The following PPM1H variants were observed in gnomAD, a reference collection of about 807,000 sequenced individuals.
The protein encoded by PPM1H is protein phosphatase, Mg2+/Mn2+ dependent 1H.
Under a neutral mutation model 54.9 loss-of-function variants are expected in PPM1H, and 27 were observed. That is an observed-to-expected ratio of 0.49 (90% CI 0.36 to 0.68). The LOEUF is 0.68. Among genes scored for constraint, PPM1H ranks in the 30% least tolerant of loss-of-function variants. The pLI, the probability that PPM1H is intolerant of heterozygous loss-of-function variation, is 0.00. For synonymous variants in PPM1H, 305 were observed against 270.8 expected, an observed-to-expected ratio of 1.13 and a Z score of -1.24; for missense variants, 596 against 667.8, an observed-to-expected ratio of 0.89 and a Z score of 1.19.
chr12:62,920,090 CTG>C (rs1041750587), intron 1 of PPM1H, among the ~76,000 whole-genome samples: 2 of 152,192 alleles, frequency 1.3e-5, no homozygotes, highest in African/African-American at 4.8e-5. Flanking sequence ...GCATGGTCCT[CTG>C]TGGCATAGCC....
intron 8 of PPM1H, among the ~76,000 whole-genome samples, chr12:62,683,033 T>TTTTTTTTA (rs1491110813): frequency 3.0e-5 from 4 of 133,674 alleles, no homozygotes; most frequent in Non-Finnish European, 6.5e-5. Context: ...GAGTTTATTA[T>TTTTTTTTA]TTATTATTAT....
chr12:62,727,637 A>ATATTATTATTATTATTATTATTATTAT (rs146320023), intron 5 of PPM1H, among the ~76,000 whole-genome samples: 2 of 139,814 alleles, frequency 1.4e-5, no homozygotes, highest in Non-Finnish European at 3.1e-5. Context: ...TAAAATGCAA[A>ATATTATTATTATTATTATTATTATTAT]TATTATTATT....
chr12:62,717,105 C>T (rs889350809), intron 6 of PPM1H, among the ~76,000 whole-genome samples: 5 of 152,176 alleles, frequency 3.3e-5, no homozygotes, highest in African/African-American at 1.2e-4. Flanking sequence ...TCCCCAAATG[C>T]TGGGATTATA....
At chr12:62,705,660 T>G (rs1444352592) in intron 6 of PPM1H, among the ~76,000 whole-genome samples, 2 of 152,246 alleles carry the variant, frequency 1.3e-5, no homozygotes, top group African/African-American at 4.8e-5. Context: ...GCATTCACAC[T>G]TGGCCGTAAC....
chr12:62,734,101 A>C (rs1029867308), intron 5 of PPM1H, among the ~76,000 whole-genome samples: 17 of 151,644 alleles, frequency 1.1e-4, no homozygotes, highest in African/African-American at 4.1e-4. Flanking sequence ...AAGAGGCTCC[A>C]GGGAGCATCC....
Position 62,689,763 on chromosome 12 carries a change from T to G in PPM1H, c.1181A>C (p.Asp394Ala). Residue 394 changes from aspartate (D) to alanine (A), a missense_variant, in exon 8 of 10, where the codon GAC (aspartate) becomes GCC (alanine). By Grantham distance (126) the Asp-to-Ala change is moderately radical. Coordinates refer to ENST00000228705, the MANE Select transcript of PPM1H (RefSeq NM_020700.2). ...GGAGTCATGCACCTTCAGGTCATGG[T>G]CCCCAAGTCCCCTGGTCACTCCAAT... ...ATIGVTRGLG[D>A]HDLKVHDSNI... The G allele has an allele frequency of 6.2e-7, 1 of 1,613,722 alleles. No individual in the cohort carries two copies.
Position 62,689,700 on chromosome 12 carries a change from T to C in PPM1H, c.1244A>G (p.Glu415Gly), listed in dbSNP as rs542045521. Reference protein sequence around the residue: ...YIKPFLSSAPEVRIYDLSKYD... With the variant: ...YIKPFLSSAPGVRIYDLSKYD... The stretch of plus-strand genomic sequence containing the variant: ...ATAAACAAAAACCTCATGCGGTACC[T>C]CTGGAGCTGAAGACAGGAATGGTTT... Residue 415 changes from glutamate (E) to glycine (G), a missense_variant and splice_region_variant, in exon 8 of 10, where the codon GAG becomes GGG. Physicochemically the swap from Glu to Gly is moderately conservative, Grantham distance 98. Transcript: ENST00000228705. 4 of 1,611,640 alleles carry C rather than the reference T, an allele frequency of 2.5e-6. No homozygotes were observed. The highest frequency in any genetic ancestry group is 3.4e-6 in the Non-Finnish European group (4 of 1,178,316).
intron 9 of PPM1H, among the ~76,000 whole-genome samples, chr12:62,655,245 T>A (rs2075837684): frequency 6.6e-6 from 1 of 152,206 alleles, no homozygotes; most frequent in Admixed American, 6.5e-5. Flanking sequence ...CTAGCTACCA[T>A]ATTGGGCCAG....
At chr12:62,729,816 C>T (rs1592567113) in intron 5 of PPM1H, among the ~76,000 whole-genome samples, 1 of 152,302 alleles carries the variant, frequency 6.6e-6, no homozygotes, top group East Asian at 1.9e-4. Context: ...TTAATTCCAT[C>T]CTGTGATTAT....
chr12:62,693,153 G>C (rs1350792710), intron 7 of PPM1H, among the ~76,000 whole-genome samples: 5 of 152,196 alleles, frequency 3.3e-5, no homozygotes, highest in African/African-American at 1.2e-4. Flanking sequence ...GATTCAGAAG[G>C]TGTTTGTTCT....
intron 4 of PPM1H, among the ~76,000 whole-genome samples, chr12:62,787,210 CAGGGAAGGGGAA>C (rs2076677422): frequency 1.3e-5 from 2 of 151,846 alleles, no homozygotes; most frequent in African/African-American, 4.8e-5. Flanking sequence ...AAGCTGGAGA[CAGGGAAGGGGAA>C]AGGGAAGGGG....
At position 62,816,026 on chromosome 12, in the gene PPM1H, A is replaced by G. The variant is rs569502640; in HGVS notation, c.412-13866T>C. On this transcript the variant is annotated intron_variant, in intron 2 of 9. Coordinates refer to ENST00000228705, the MANE Select transcript of PPM1H (RefSeq NM_020700.2). ...AACTAACTCCCATATCAAAAGAGAA[A>G]TCATAATGGAAATGAGAAAATATTT... 5.5e-4 allele frequency among the ~76,000 whole-genome samples: 84 copies of G among 152,340 alleles called. 1 individual carries two copies. The highest frequency in any genetic ancestry group is 2.0e-3 in the African/African-American group (82 of 41,580).
chr12:62,917,240 G>A lies in PPM1H; in HGVS notation c.245+17252C>T, dbSNP rs137996370. ...CAGCTGCTTTCTGCGGCAATTTAAC[G>A]GCCAAAGTGGGAGAACATTAGCTCT... On this transcript the variant is annotated intron_variant, in intron 1 of 9. Transcript: ENST00000228705. 5.3e-3 allele frequency among the ~76,000 whole-genome samples: 812 copies of A among 152,304 alleles called. 2 individuals carry two copies. The highest frequency in any genetic ancestry group is 8.8e-3 in the Non-Finnish European group (600 of 68,032).
At chr12:62,747,420 G>A (rs1262477549) in intron 4 of PPM1H, among the ~76,000 whole-genome samples, 1 of 152,212 alleles carries the variant, frequency 6.6e-6, no homozygotes, top group Non-Finnish European at 1.5e-5. Context: ...ATAGGCGTGA[G>A]CCACTGTGCC....
At chr12:62,672,683 C>G (rs1374357087) in intron 8 of PPM1H, among the ~76,000 whole-genome samples, 1 of 152,200 alleles carries the variant, frequency 6.6e-6, no homozygotes, top group African/African-American at 2.4e-5. Context: ...GTACCCAGAA[C>G]AGAGCACTGT....
chr12:62,810,146 TG>T (rs1223748228), intron 2 of PPM1H, among the ~76,000 whole-genome samples: 2 of 152,164 alleles, frequency 1.3e-5, no homozygotes, highest in South Asian at 2.1e-4. Context: ...AAGGAGAGAA[TG>T]GTTTTTATTT....
intron 6 of PPM1H, among the ~76,000 whole-genome samples, chr12:62,711,362 T>C (rs1417877986): frequency 2.0e-5 from 3 of 152,182 alleles, no homozygotes; most frequent in Non-Finnish European, 4.4e-5. Flanking sequence ...TGATCTGTGG[T>C]GGGGATTGGC....
chr12:62,737,901 G>A (rs1156690900), intron 4 of PPM1H, among the ~76,000 whole-genome samples: 5 of 152,192 alleles, frequency 3.3e-5, no homozygotes, highest in Admixed American at 3.3e-4. Context: ...ATGGATGAAT[G>A]AATGAGTGAT....
chr12:62,847,526 G>A (rs1869020204), intron 1 of PPM1H, among the ~76,000 whole-genome samples: 1 of 152,126 alleles, frequency 6.6e-6, no homozygotes, highest in Non-Finnish European at 1.5e-5. Context: ...GACTTCAGGG[G>A]AGAAATTATA....
Sources: gnomAD v4.1 joint callset for allele counts (sites outside exome capture counted in the v4.1 genomes callset) on GRCh38, gnomAD v4.1.1 for gene constraint, MANE v1.5 for transcripts, NCBI Gene and HGNC (gene_info 2026-07-23, HGNC 2026-07-21) for gene names.